Variants in NIN observed in about 807,000 individuals in gnomAD.
NIN encodes the protein ninein.
NIN carries 137 observed loss-of-function variants against 257.6 expected under a neutral mutation model. That is an observed-to-expected ratio of 0.53 (90% confidence interval 0.46 to 0.61). The LOEUF (loss-of-function observed/expected upper bound fraction) is 0.61, where lower values mean the gene tolerates loss of function less well. NIN is among the 20% of genes least tolerant of loss of function. NIN has a pLI of 0.00. For missense variants in NIN, 2,439 were observed against 2,501.2 expected (o/e 0.98, Z 0.53); for synonymous variants, 918 against 919.8 (o/e 1.00, Z 0.04).
intron 27 of NIN, 85 bp from the exon 28 acceptor site, chr14:50,735,702 G>A: frequency 6.9e-7 from 1 of 1,459,218 alleles, no homozygotes; most frequent in Non-Finnish European, 9.0e-7. Context: ...ATCTGTGCTT[G>A]TCAGAAATCT....
At position 50,744,372 on chromosome 14, in the gene NIN, G is replaced by C; in HGVS notation, c.5065-7C>G. 6.2e-7 allele frequency: 1 copy of C among 1,613,206 alleles called. No homozygotes were observed. Among genetic ancestry groups the C allele is most frequent in the Non-Finnish European group, 8.5e-7 (1 of 1,179,604 alleles). On this transcript the variant is annotated splice_region_variant and splice_polypyrimidine_tract_variant and intron_variant, in intron 22 of 30. Transcript: ENST00000530997. ...GATCGGGACATCTGTGCAGCTGTAA[G>C]AGATAAACAAATGAGCCCTCCCATC...
intron 2 of NIN, among the ~76,000 whole-genome samples, chr14:50,827,330 C>G (rs547013365): frequency 3.5e-4 from 54 of 152,244 alleles, no homozygotes; most frequent in Non-Finnish European, 6.8e-4. Flanking sequence ...AATGCCTCCT[C>G]TCTGCTCAGT....
rs1271571396 is a variant in NIN, at chr14:50,721,016, T to C, written c.*2447A>G. ...GAAACAAGATCTAAACATTTTTAAG[T>C]TTACATTTAATGTCTTTAAAAGGTC... is the stretch of plus-strand genomic sequence containing the variant. On this transcript the variant is annotated 3_prime_UTR_variant, in exon 31 of 31. Transcript: ENST00000530997. 1.0e-5 allele frequency: 2 copies of C among 191,764 alleles called. No homozygotes were observed. Among genetic ancestry groups the C allele is most frequent in the East Asian group, 1.7e-4 (2 of 11,968 alleles). The allele number at this position is 191,764 out of a possible 1,614,324, so 11.9% of individuals were successfully genotyped here. A position where few individuals can be genotyped will look rare whatever the true frequency, so the allele number is the denominator to read the frequency against.
At chr14:50,781,908 A>C (rs1359028455) in intron 5 of NIN, among the ~76,000 whole-genome samples, 4 of 152,104 alleles carry the variant, frequency 2.6e-5, no homozygotes, top group African/African-American at 9.7e-5. Context: ...AGACCTGGGG[A>C]GGTATCTGTT....
At position 50,723,641 on chromosome 14, in the gene NIN, A is replaced by G. The variant is rs777499418; in HGVS notation, c.6224T>C (p.Val2075Ala). 1.9e-5 allele frequency: 31 copies of G among 1,613,844 alleles called. No individual in the cohort carries two copies. The highest frequency in any genetic ancestry group is 1.7e-6 in the Non-Finnish European group (2 of 1,179,802). The change falls in exon 31 of 31, where the codon GTG becomes GCG. Residue 2075 changes from valine to alanine, a missense_variant. Around this residue, in one of 3 missense-constraint regions of NIN, gnomAD observed 2,043 missense variants for 2,050.2 expected, o/e 1.00. Transcript: ENST00000530997. ...GGCATTTTCAACATACAAGTCCTTC[A>G]CCATTGCGTCTGCCTTAGTGTTCTT... ...LCKNTKADAMVKDLYVENAQL... is the reference protein window; with the variant it reads ...LCKNTKADAMAKDLYVENAQL...
At chr14:50,810,755 G>T (rs1263976005) in intron 3 of NIN, among the ~76,000 whole-genome samples, 2 of 152,050 alleles carry the variant, frequency 1.3e-5, no homozygotes, top group Non-Finnish European at 2.9e-5. Flanking sequence ...CCGCCTCCTG[G>T]GTTCACGCCA....
chr14:50,758,400 T>C lies in NIN; in HGVS notation c.2630A>G (p.Lys877Arg). 2 of 1,614,074 alleles carry C rather than the reference T, an allele frequency of 1.2e-6. No homozygotes were observed. Among genetic ancestry groups the C allele is most frequent in the South Asian group, 1.1e-5 (1 of 91,072 alleles). Reference protein sequence around the residue: ...QECAEAQELLKETLKREKTTS... With the variant: ...QECAEAQELLRETLKREKTTS... ...TGTTTTCTCTCTCTTAAGAGTCTCT[T>C]TCAGCAGCTCCTGGGCTTCCGCACA... Residue 877 changes from lysine to arginine, a missense_variant, in exon 18 of 31, where the codon AAA (lysine) becomes AGA (arginine). Lys to Arg is a conservative substitution (Grantham distance 26). Coordinates refer to ENST00000530997, the MANE Select transcript of NIN (RefSeq NM_020921.4).
rs1048847270 is a variant in NIN, at chr14:50,726,048, C to T, written c.6097G>A (p.Val2033Ile). The change falls in exon 30 of 31, where the codon GTA (valine) becomes ATA (isoleucine). Residue 2033 changes from valine to isoleucine, a missense_variant. Physicochemically the swap from Val to Ile is conservative, Grantham distance 29 (BLOSUM62 3). This residue lies in a region of NIN where 2,043 missense variants were observed against 2,050.2 expected (regional missense o/e 1.00). Transcript: ENST00000530997. ...NTPQGNQEQL[V>I]TVMEERMIEV... ...ATCATTCGTTCCTCCATGACAGTTA[C>T]CAGTTGTTCCTGGTTTCCCTGAAGG... 6.2e-7 allele frequency: 1 copy of T among 1,612,964 alleles called. No individual in the cohort carries two copies. The highest frequency in any genetic ancestry group is 1.1e-5 in the South Asian group (1 of 90,988).
At chr14:50,770,762 C>T in intron 11 of NIN, 90 bp downstream of exon 11, 1 of 1,465,986 alleles carries the variant, frequency 6.8e-7, no homozygotes, top group Non-Finnish European at 9.1e-7. Context: ...AGAAGAGTCC[C>T]CAGTGCACTG....
At chr14:50,792,429 A>T in intron 5 of NIN, 1 of 378,878 alleles carries the variant, frequency 2.6e-6, no homozygotes, top group East Asian at 4.5e-5. Context: ...CAAGAACTAG[A>T]AGTGGGAGAC....
At chr14:50,794,934 A>G (rs548570275) in intron 4 of NIN, among the ~76,000 whole-genome samples, 125 of 152,294 alleles carry the variant, frequency 8.2e-4, no homozygotes, top group African/African-American at 2.8e-3. Context: ...CTCTTTTTCT[A>G]AGCAATAAAA....
chr14:50,729,641 G>C lies in NIN; in HGVS notation c.5960C>G (p.Pro1987Arg). The C allele has an allele frequency of 6.2e-7, 1 of 1,613,946 alleles. No homozygotes were observed. Among genetic ancestry groups the C allele is most frequent in the Non-Finnish European group, 8.5e-7 (1 of 1,179,954 alleles). ...CAGAAACTGCTCCCTGGGCACCATCGGACAGGCTTGCTGCTGGAGCAGCTG... is the reference window on the plus strand; with the variant it reads ...CAGAAACTGCTCCCTGGGCACCATCCGACAGGCTTGCTGCTGGAGCAGCTG... Reference protein sequence around the residue: ...DLQLLQQQACPMVPREQFLQL... With the variant: ...DLQLLQQQACRMVPREQFLQL... The change falls in exon 29 of 31, where the codon CCG becomes CGG. Residue 1987 changes from proline to arginine, a missense_variant. Pro to Arg is a moderately radical substitution (Grantham distance 103). This residue lies in a region of NIN where 2,043 missense variants were observed against 2,050.2 expected (regional missense o/e 1.00). Coordinates refer to ENST00000530997, the MANE Select transcript of NIN (RefSeq NM_020921.4).
At chr14:50,827,135 GCTGCAC>G (rs112407817) in intron 2 of NIN, among the ~76,000 whole-genome samples, 1 of 152,148 alleles carries the variant, frequency 6.6e-6, no homozygotes, top group African/African-American at 2.4e-5. Flanking sequence ...ACTTTAATTG[GCTGCAC>G]AGATTTTCAG....
In NIN at chr14:50,798,253, C is replaced by T. The variant is rs553602731; in HGVS notation, c.266-5372G>A. 2.0e-5 allele frequency among the ~76,000 whole-genome samples: 3 copies of T among 152,290 alleles called. No individual in the cohort carries two copies. In the South Asian group the frequency reaches 6.2e-4, roughly 32 times the overall value. On this transcript the variant is annotated intron_variant, in intron 4 of 30. Transcript: ENST00000530997. Reference sequence around the variant, plus strand: ...AGATGTTTAATTAGGTCTTTCAGTTCCTCCCTGAATGCAGTGACAGAATCT... The same window carrying T: ...AGATGTTTAATTAGGTCTTTCAGTTTCTCCCTGAATGCAGTGACAGAATCT...
chr14:50,721,143 G>A lies in NIN; in HGVS notation c.*2320C>T, dbSNP rs1385129124. 5.0e-6 allele frequency: 1 copy of A among 198,804 alleles called. No homozygotes were observed. The highest frequency in any genetic ancestry group is 2.3e-5 in the African/African-American group (1 of 43,458). The allele number at this position is 198,804 out of a possible 1,614,324, so 12.3% of individuals were successfully genotyped here. On this transcript the variant is annotated 3_prime_UTR_variant, in exon 31 of 31. Coordinates refer to ENST00000530997, the MANE Select transcript of NIN (RefSeq NM_020921.4). ...ACAAATGCATACATTTAAGGTATCT[G>A]TATGGTATTTCTCATATTGATCTTT...
At chr14:50,799,171 C>T (rs541380599) in intron 4 of NIN, among the ~76,000 whole-genome samples, 7 of 152,130 alleles carry the variant, frequency 4.6e-5, no homozygotes, top group South Asian at 2.1e-4. Flanking sequence ...TGGAATCAAA[C>T]GGACCTGGAC....
At position 50,755,673 on chromosome 14, in the gene NIN, TTTTTTA is replaced by T. The variant is rs1265781275; in HGVS notation, c.4539-812_4539-807del. Among the ~76,000 whole-genome samples, 209 of 89,316 alleles carry T rather than the reference TTTTTTA, an allele frequency of 2.3e-3. 3 individuals carry two copies. The highest frequency in any genetic ancestry group is 6.6e-3 in the East Asian group (24 of 3,628). The allele number at this position is 89,316 out of a possible 152,430, so 58.6% of individuals were successfully genotyped here. On this transcript the variant is annotated intron_variant, in intron 18 of 30. Coordinates refer to ENST00000530997, the MANE Select transcript of NIN (RefSeq NM_020921.4). Reference sequence around the variant, plus strand: ...CTTTTTTTTTTTTTTTTTTTTTTTTTTTTTTAAAAGAGACAGGGTCTCACTCTGTCA... The same window carrying T: ...CTTTTTTTTTTTTTTTTTTTTTTTTTAAAGAGACAGGGTCTCACTCTGTCA...
chr14:50,740,354 T>TTC (rs1377585159), intron 25 of NIN, among the ~76,000 whole-genome samples: 1 of 146,036 alleles, frequency 6.8e-6, no homozygotes, highest in Non-Finnish European at 1.5e-5. Flanking sequence ...ACAGCTGGCT[T>TTC]TTTTTTTTTT....
At chr14:50,803,349 T>C (rs2044179654) in intron 4 of NIN, among the ~76,000 whole-genome samples, 1 of 152,018 alleles carries the variant, frequency 6.6e-6, no homozygotes, top group South Asian at 2.1e-4. Flanking sequence ...TGAGACTCCA[T>C]CTCAAAAAAA....
Sources: gnomAD v4.1 joint callset for allele counts (sites outside exome capture counted in the v4.1 genomes callset) on GRCh38, gnomAD v4.1.1 for gene constraint, gnomAD v4.1.1 regional missense constraint, MANE v1.5 for transcripts, NCBI Gene and HGNC (gene_info 2026-07-23, HGNC 2026-07-21) for gene names.